Variants in NEURL1 observed in about 807,000 individuals in gnomAD.
NEURL1 encodes neuralized E3 ubiquitin protein ligase 1.
NEURL1 carries 26 observed loss-of-function variants against 41.2 expected under a neutral mutation model. The observed-to-expected ratio is 0.63, with a 90% CI of 0.46 to 0.87. NEURL1 has a LOEUF of 0.87. Ranked by LOEUF, NEURL1 falls within the 40% of genes least tolerant of loss-of-function variation. The pLI, the probability that NEURL1 is intolerant of heterozygous loss-of-function variation, is 0.00. For synonymous variants in NEURL1, 400 were observed against 402.3 expected (o/e 0.99, Z 0.07); for missense variants, 761 against 871.1 (o/e 0.87, Z 1.59).
intron 1 of NEURL1, among the ~76,000 whole-genome samples, chr10:103,534,064 A>T (rs960407468): frequency 2.6e-5 from 4 of 151,716 alleles, no homozygotes; most frequent in African/African-American, 9.7e-5. Context: ...CATTCATTGA[A>T]CTTTTTGGCT....
intron 1 of NEURL1, among the ~76,000 whole-genome samples, chr10:103,520,408 G>T (rs1014010002): frequency 6.6e-6 from 1 of 152,098 alleles, no homozygotes; most frequent in Non-Finnish European, 1.5e-5. Flanking sequence ...CAGGGGCGAG[G>T]GTCACAAGGT....
chr10:103,554,875 G>T (rs117367298), intron 1 of NEURL1, among the ~76,000 whole-genome samples: 1 of 152,198 alleles, frequency 6.6e-6, no homozygotes, highest in Non-Finnish European at 1.5e-5. Flanking sequence ...TCTGCATGTA[G>T]TAGGTGCATG....
chr10:103,574,781 CT>C (rs375896386), intron 3 of NEURL1, among the ~76,000 whole-genome samples: 33 of 152,294 alleles, frequency 2.2e-4, no homozygotes, highest in African/African-American at 7.2e-4. Flanking sequence ...CCCATCCCCC[CT>C]GTGACTATAA....
intron 1 of NEURL1, among the ~76,000 whole-genome samples, chr10:103,507,644 G>C (rs1237951643): frequency 6.6e-6 from 1 of 152,124 alleles, no homozygotes; most frequent in East Asian, 1.9e-4. Flanking sequence ...CTCCTGCCGT[G>C]GGTGTGAGGT....
At chr10:103,546,254 C>T (rs1035339357) in intron 1 of NEURL1, among the ~76,000 whole-genome samples, 1 of 152,192 alleles carries the variant, frequency 6.6e-6, no homozygotes, top group African/African-American at 2.4e-5. Flanking sequence ...TTCTCAGGGG[C>T]AGCACTCTGC....
At chr10:103,537,230 G>T (rs900159763) in intron 1 of NEURL1, among the ~76,000 whole-genome samples, 1 of 152,158 alleles carries the variant, frequency 6.6e-6, no homozygotes, top group Non-Finnish European at 1.5e-5. Flanking sequence ...ATGAACATGG[G>T]TTTATGAATT....
chr10:103,501,664 C>T (rs577578571), intron 1 of NEURL1, among the ~76,000 whole-genome samples: 1 of 86,828 alleles, frequency 1.2e-5, no homozygotes, highest in South Asian at 4.9e-4. Context: ...CGGAGTTTCC[C>T]TCTTGTCACC....
chr10:103,498,072 T>G (rs947673778), intron 1 of NEURL1, among the ~76,000 whole-genome samples: 13 of 152,198 alleles, frequency 8.5e-5, no homozygotes, highest in African/African-American at 3.1e-4. Flanking sequence ...AGAAAGTATA[T>G]GTATATGGAA....
intron 1 of NEURL1, among the ~76,000 whole-genome samples, chr10:103,501,248 A>G (rs539808852): frequency 1.3e-5 from 2 of 152,332 alleles, no homozygotes; most frequent in African/African-American, 2.4e-5. Context: ...AGCAAGATGC[A>G]TGTAGTGATT....
At chr10:103,503,959 T>TTTTATTTA (rs56135179) in intron 1 of NEURL1, among the ~76,000 whole-genome samples, 2,233 of 136,060 alleles carry the variant, frequency 0.016, 29 homozygotes, top group African/African-American at 0.02. Flanking sequence ...CTGGCTAGTA[T>TTTTATTTA]TTTATTTATT....
intron 3 of NEURL1, among the ~76,000 whole-genome samples, chr10:103,576,320 G>T (rs1475941305): frequency 6.6e-6 from 1 of 152,192 alleles, no homozygotes. Flanking sequence ...AGACAGGGGG[G>T]TGTCCACAGG....
chr10:103,547,364 T>C (rs986813705), intron 1 of NEURL1, among the ~76,000 whole-genome samples: 5 of 152,262 alleles, frequency 3.3e-5, no homozygotes, highest in Non-Finnish European at 7.3e-5. Flanking sequence ...TGTGGGGTCC[T>C]GTACTGTCAC....
At chr10:103,586,291 C>CA (rs372521471) in intron 4 of NEURL1, among the ~76,000 whole-genome samples, 15 of 152,208 alleles carry the variant, frequency 9.9e-5, no homozygotes, top group Non-Finnish European at 2.2e-4. Flanking sequence ...CCAGAGTGAG[C>CA]AGGTATTCAT....
At chr10:103,555,328 G>C in intron 1 of NEURL1, 3 of 1,295,336 alleles carry the variant, frequency 2.3e-6, no homozygotes, top group Non-Finnish European at 3.0e-6. Context: ...GGGGCGACTC[G>C]GTGACCAGCC....
intron 1 of NEURL1, among the ~76,000 whole-genome samples, chr10:103,521,314 A>G (rs976716159): frequency 6.6e-6 from 1 of 152,168 alleles, no homozygotes; most frequent in African/African-American, 2.4e-5. Context: ...GGAAGAAATG[A>G]CCGCAGTGGC....
chr10:103,575,199 C>T (rs1449721893), intron 3 of NEURL1, among the ~76,000 whole-genome samples: 1 of 151,936 alleles, frequency 6.6e-6, no homozygotes, highest in Admixed American at 6.6e-5. Context: ...ATCACCTGCA[C>T]CTTTACTGCA....
intron 1 of NEURL1, among the ~76,000 whole-genome samples, chr10:103,510,583 AAAGACATGTGGC>A (rs376067528): frequency 2.0e-5 from 3 of 152,160 alleles, no homozygotes; most frequent in African/African-American, 7.2e-5. Flanking sequence ...GGCAGTGGGC[AAAGACATGTGGC>A]AAGCCAGGTT....
rs139725324 is a variant in NEURL1, at chr10:103,518,381, C to A, written c.85+23909C>A. On this transcript the variant is annotated intron_variant, in intron 1 of 5. Coordinates refer to ENST00000369780, the MANE Select transcript of NEURL1 (RefSeq NM_004210.5). ...TCTCTCTCCCTCTTTTCTTTCATTC[C>A]TTTCTTTCAACCAGTATTTAGTCAA... 1.1e-4 allele frequency among the ~76,000 whole-genome samples: 17 copies of A among 152,096 alleles called. No homozygotes were observed. In the East Asian group the frequency reaches 3.1e-3, roughly 28 times the overall value.
chr10:103,571,069 T>A lies in NEURL1; in HGVS notation c.283T>A (p.Phe95Ile). The stretch of plus-strand genomic sequence containing the variant: ...GGCCAGCTTCTGCAACGCCATCACC[T>A]TCAGCAACCGCCCGGTCCTCATCTA... ...RQASFCNAIT[F>I]SNRPVLIYEQ... The change falls in exon 2 of 6, where the codon TTC becomes ATC. Residue 95 changes from phenylalanine (F) to isoleucine (I), a missense_variant. Around this residue, in one of 5 missense-constraint regions of NEURL1, gnomAD observed 65 missense variants for 131.6 expected, o/e 0.49. Transcript: ENST00000369780. 1 of 1,613,876 alleles carries A rather than the reference T, an allele frequency of 6.2e-7. No individual in the cohort carries two copies. The highest frequency in any genetic ancestry group is 8.5e-7 in the Non-Finnish European group (1 of 1,180,010).
Sources: gnomAD v4.1 joint callset for allele counts (sites outside exome capture counted in the v4.1 genomes callset) on GRCh38, gnomAD v4.1.1 for gene constraint, gnomAD v4.1.1 regional missense constraint, MANE v1.5 for transcripts, NCBI Gene and HGNC (gene_info 2026-07-23, HGNC 2026-07-21) for gene names.